The following NBL1 variants were observed in gnomAD, a reference collection of about 807,000 sequenced individuals.
NBL1 encodes NBL1, DAN family BMP antagonist.
A neutral mutation model predicts 16.0 loss-of-function variants in NBL1; 9 were observed. The observed-to-expected ratio is 0.56, with a 90% CI of 0.34 to 0.98. NBL1 has a LOEUF of 0.98. Among genes scored for constraint, NBL1 ranks in the 50% least tolerant of loss-of-function variants. NBL1 has a pLI of 0.02. For synonymous variants in NBL1, 86 were observed against 100.7 expected, an observed-to-expected ratio of 0.85 and a Z score of 0.87; for missense variants, 196 against 243.1, an observed-to-expected ratio of 0.81 and a Z score of 1.29.
Position 19,655,354 on chromosome 1 carries a change from C to A in NBL1, c.201C>A (p.Ser67Arg), listed in dbSNP as rs754641009. The part of the protein sequence containing the change: ...RACLGQCFSY[S>R]VPNTFPQSTE... Reference sequence around the variant, plus strand: ...GCCTAGGACAGTGCTTCAGCTACAGCGTCCCCAACACCTTCCCACAGTCCA... The same window carrying A: ...GCCTAGGACAGTGCTTCAGCTACAGAGTCCCCAACACCTTCCCACAGTCCA... Residue 67 changes from serine (S) to arginine (R), a missense_variant, in exon 3 of 4, where the codon AGC (serine) becomes AGA (arginine). Transcript: ENST00000375136. 6.2e-7 allele frequency: 1 copy of A among 1,614,006 alleles called. No homozygotes were observed. The highest frequency in any genetic ancestry group is 1.3e-5 in the African/African-American group (1 of 74,920).
upstream of NBL1, chr1:19,644,184 G>A (rs1292467661): frequency 1.8e-5 from 18 of 980,118 alleles, no homozygotes; most frequent in Non-Finnish European, 1.9e-5. This position sits in a 1 kb window ranked among gnomAD's most constrained non-coding sequence, Gnocchi z 4.6. Context: ...CGGAGGGAGA[G>A]GCCGCGCGCG....
upstream of NBL1, chr1:19,643,774 G>T: frequency 9.8e-7 from 1 of 1,016,456 alleles, no homozygotes; most frequent in Non-Finnish European, 1.2e-6. The surrounding 1 kb of genome is among the most constrained non-coding windows in gnomAD (Gnocchi z 4.7). Flanking sequence ...GACTTGAACC[G>T]GGTCGCATGC....
At chr1:19,643,865 G>A (rs2094961405), upstream of NBL1, 1 of 991,188 alleles carries the variant, frequency 1.0e-6, no homozygotes, top group Non-Finnish European at 1.2e-6. The surrounding 1 kb of genome is among the most constrained non-coding windows in gnomAD (Gnocchi z 4.7). Flanking sequence ...CCCCACTCTC[G>A]GGGCAAGTCT....
chr1:19,645,452 C>A, intron 1 of NBL1: 1 of 992,136 alleles, frequency 1.0e-6, no homozygotes, highest in Non-Finnish European at 1.2e-6. Flanking sequence ...GAAAGCCACA[C>A]TTCCAGGCTT....
chr1:19,646,019 G>C (rs558529900), intron 1 of NBL1: 1 of 1,550,378 alleles, frequency 6.5e-7, no homozygotes, highest in East Asian at 2.4e-5. Flanking sequence ...TCGTTTGCGG[G>C]CAGGAGGGTC....
In NBL1 at chr1:19,644,410, C is replaced by A; in HGVS notation, c.-56C>A. ...TCCTGGGGCGCCCGGGCCCGCGACCCCCGCACCCAGCTCCGCAGGACCGGC... is the reference window on the plus strand; with the variant it reads ...TCCTGGGGCGCCCGGGCCCGCGACCACCGCACCCAGCTCCGCAGGACCGGC... On this transcript the variant is annotated 5_prime_UTR_variant, in exon 1 of 4. Transcript: ENST00000375136. This position sits in a 1 kb window ranked among gnomAD's most constrained non-coding sequence, Gnocchi z 4.6. 1 of 979,022 alleles carries A rather than the reference C, an allele frequency of 1.0e-6. No individual in the cohort carries two copies. The highest frequency in any genetic ancestry group is 1.2e-6 in the Non-Finnish European group (1 of 827,462). The allele number at this position is 979,022 out of a possible 1,614,324, so 60.6% of individuals were successfully genotyped here.
chr1:19,654,769 A>G (rs1208518921), intron 1 of NBL1, among the ~76,000 whole-genome samples: 1 of 152,120 alleles, frequency 6.6e-6, no homozygotes, highest in Non-Finnish European at 1.5e-5. Flanking sequence ...AATGTGTATT[A>G]TCTGCTAGGC....
In NBL1 at chr1:19,656,933, A is replaced by G. The variant is rs778522323; in HGVS notation, c.350A>G (p.His117Arg). ...GACAAGCTGGTGGAGAAGATCCTGC[A>G]CTGTAGCTGCCAGGCCTGCGGCAAG... ...RVDKLVEKIL[H>R]CSCQACGKEP... is the part of the protein sequence containing the mutation. Residue 117 changes from histidine (H) to arginine (R), a missense_variant, in exon 4 of 4, where the codon CAC becomes CGC. His to Arg is a conservative substitution (Grantham distance 29). Transcript: ENST00000375136. The G allele has an allele frequency of 6.2e-7, 1 of 1,613,184 alleles. No homozygotes were observed. Among genetic ancestry groups the G allele is most frequent in the Non-Finnish European group, 8.5e-7 (1 of 1,179,742 alleles).
chr1:19,645,828 A>T (rs2100389191), intron 1 of NBL1: 2 of 1,480,282 alleles, frequency 1.4e-6, no homozygotes, highest in Non-Finnish European at 1.8e-6. Flanking sequence ...TCGCCTCATT[A>T]TTTTAAAGTG....
In NBL1 at chr1:19,644,533, G is replaced by C; in HGVS notation, c.-20+87G>C. On this transcript the variant is annotated intron_variant, in intron 1 of 3. Coordinates refer to ENST00000375136, the MANE Select transcript of NBL1 (RefSeq NM_005380.8). This position sits in a 1 kb window ranked among gnomAD's most constrained non-coding sequence, Gnocchi z 4.6. ...AGTGCCGCGCCCCCAGCCCGGAGCTGCGTCCCCCGGCGCGTCCGGCGGCCG... is the reference window on the plus strand; with the variant it reads ...AGTGCCGCGCCCCCAGCCCGGAGCTCCGTCCCCCGGCGCGTCCGGCGGCCG... 1.3e-6 allele frequency: 1 copy of C among 772,460 alleles called. No homozygotes were observed. The highest frequency in any genetic ancestry group is 5.8e-5 in the South Asian group (1 of 17,112). The allele number at this position is 772,460 out of a possible 1,614,324, so 47.9% of individuals were successfully genotyped here.
At chr1:19,651,702 T>C (rs1392898670) in intron 1 of NBL1, among the ~76,000 whole-genome samples, 1 of 152,032 alleles carries the variant, frequency 6.6e-6, no homozygotes, top group African/African-American at 2.4e-5. Context: ...TGTCCTTTTT[T>C]TCCCTTTCCT....
At chr1:19,643,247 T>C, upstream of NBL1, 1 of 1,499,760 alleles carries the variant, frequency 6.7e-7, no homozygotes, top group Non-Finnish European at 9.2e-7. This position sits in a 1 kb window ranked among gnomAD's most constrained non-coding sequence, Gnocchi z 4.7. Flanking sequence ...AGGCTGGGTG[T>C]GGAGGGTGCG....
At chr1:19,646,163 C>T (rs2094978923) in intron 1 of NBL1, 8 of 1,117,332 alleles carry the variant, frequency 7.2e-6, no homozygotes, top group Non-Finnish European at 1.0e-5. Context: ...TCATGCTCTC[C>T]CCAGTGCTGA....
chr1:19,655,314 C>A lies in NBL1; in HGVS notation c.171-10C>A, dbSNP rs756472856. ...CAGTGACACAGGCATGGTGACCTCT[C>A]CTCCCACAGGGCGTGCCTAGGACAG... On this transcript the variant is annotated splice_polypyrimidine_tract_variant and intron_variant, in intron 2 of 3. Coordinates refer to ENST00000375136, the MANE Select transcript of NBL1 (RefSeq NM_005380.8). The A allele has an allele frequency of 1.7e-5, 28 of 1,613,704 alleles. No homozygotes were observed. The highest frequency in any genetic ancestry group is 2.4e-5 in the Non-Finnish European group (28 of 1,179,830).
chr1:19,648,483 A>AG (rs2094999194), intron 1 of NBL1, among the ~76,000 whole-genome samples: 2 of 152,166 alleles, frequency 1.3e-5, no homozygotes, highest in Non-Finnish European at 2.9e-5. Context: ...CTCAGGAAAG[A>AG]GGTGTCACAG....
In NBL1 at chr1:19,646,029, C is replaced by T. The variant is rs757287257; in HGVS notation, c.-20+1583C>T. Reference sequence around the variant, plus strand: ...GTTTTTCGTTTGCGGGCAGGAGGGTCTGCGGTAAGGAGGGCCGTGGCCTGG... The same window carrying T: ...GTTTTTCGTTTGCGGGCAGGAGGGTTTGCGGTAAGGAGGGCCGTGGCCTGG... On this transcript the variant is annotated intron_variant, in intron 1 of 3. Transcript: ENST00000375136. The T allele has an allele frequency of 7.7e-6, 12 of 1,550,516 alleles. No homozygotes were observed. In the South Asian group the frequency reaches 1.4e-4, roughly 18 times the overall value.
chr1:19,657,177 G>A lies in NBL1; in HGVS notation c.*48G>A, dbSNP rs758129048. On this transcript the variant is annotated 3_prime_UTR_variant, in exon 4 of 4. Coordinates refer to ENST00000375136, the MANE Select transcript of NBL1 (RefSeq NM_005380.8). ...CTCTCATCCCCCTGTGGAATGTTGGGTCTCACTCTCTGGGGAAGTCAGGGG... is the reference window on the plus strand; with the variant it reads ...CTCTCATCCCCCTGTGGAATGTTGGATCTCACTCTCTGGGGAAGTCAGGGG... 27 of 866,694 alleles carry A rather than the reference G, an allele frequency of 3.1e-5. No individual in the cohort carries two copies. Among genetic ancestry groups the A allele is most frequent in the Non-Finnish European group, 3.7e-5 (21 of 569,380 alleles). The allele number at this position is 866,694 out of a possible 1,614,324, so 53.7% of individuals were successfully genotyped here. A position where few individuals can be genotyped will look rare whatever the true frequency, so the allele number is the denominator to read the frequency against.
chr1:19,656,986 T>C lies in NBL1; in HGVS notation c.403T>C (p.Tyr135His). The C allele has an allele frequency of 6.2e-7, 1 of 1,606,864 alleles. No homozygotes were observed. The highest frequency in any genetic ancestry group is 8.5e-7 in the Non-Finnish European group (1 of 1,176,948). Residue 135 changes from tyrosine (Y) to histidine (H), a missense_variant, in exon 4 of 4, where the codon TAT becomes CAT. Physicochemically the swap from Tyr to His is moderately conservative, Grantham distance 83 (BLOSUM62 2). Transcript: ENST00000375136. The stretch of plus-strand genomic sequence containing the variant: ...GCCTAGTCACGAGGGGCTGAGCGTC[T>C]ATGTGCAGGGCGAGGACGGGCCGGG... Reference protein sequence around the residue: ...KEPSHEGLSVYVQGEDGPGSQ... With the variant: ...KEPSHEGLSVHVQGEDGPGSQ...
In NBL1 at chr1:19,650,057, C is replaced by T. The variant is rs113834819; in HGVS notation, c.-19-4955C>T. ...TGGCGTGATCTCGGCTCACTGCAAG[C>T]TCCGCCTCCCGGGTTCACGCCATTC... On this transcript the variant is annotated intron_variant, in intron 1 of 3. Transcript: ENST00000375136. Among the ~76,000 whole-genome samples the T allele has an allele frequency of 7.1e-3, 1,076 of 152,242 alleles. 14 individuals are homozygous for T. The highest frequency in any genetic ancestry group is 0.025 in the African/African-American group (1,023 of 41,494).
Sources: allele counts gnomAD v4.1 joint callset (sites outside exome capture counted in the v4.1 genomes callset), GRCh38; gene constraint gnomAD v4.1.1; non-coding constraint Gnocchi (gnomAD v3.1); transcripts MANE v1.5; gene names NCBI Gene and HGNC (gene_info 2026-07-23, HGNC 2026-07-21).